Variants in DOCK1 observed in about 807,000 individuals in gnomAD.
DOCK1 encodes dedicator of cytokinesis 1, also known as dedicator of cytokinesis protein 1.
A neutral mutation model predicts 262.7 loss-of-function variants in DOCK1; 138 were observed. That is an observed-to-expected ratio of 0.53 (90% CI 0.46 to 0.61). The LOEUF is 0.61. Among genes scored for constraint, DOCK1 ranks in the 20% least tolerant of loss-of-function variants. DOCK1 has a pLI of 0.00. For missense variants in DOCK1, 1,908 were observed against 2,370.7 expected, an observed-to-expected ratio of 0.80 and a Z score of 4.05; for synonymous variants, 866 against 867.4, an observed-to-expected ratio of 1.00 and a Z score of 0.03.
chr10:126,960,621 G>T (rs2037118629), intron 1 of DOCK1, among the ~76,000 whole-genome samples: 1 of 151,132 alleles, frequency 6.6e-6, no homozygotes, highest in East Asian at 2.0e-4. Flanking sequence ...GTTTGGTTTG[G>T]CAAGAACTCA....
intron 27 of DOCK1, among the ~76,000 whole-genome samples, chr10:127,229,328 CTT>C (rs2058754504): frequency 6.6e-6 from 1 of 152,166 alleles, no homozygotes. Flanking sequence ...GTGATGTAGA[CTT>C]CTTGAACTTA....
intron 29 of DOCK1, among the ~76,000 whole-genome samples, chr10:127,282,112 G>A (rs1476979790): frequency 2.6e-5 from 4 of 152,222 alleles, no homozygotes; most frequent in African/African-American, 9.6e-5. Flanking sequence ...CATGTGACCT[G>A]TGGGTTGCGG....
At chr10:127,200,507 C>G (rs935259455) in intron 27 of DOCK1, among the ~76,000 whole-genome samples, 1 of 152,152 alleles carries the variant, frequency 6.6e-6, no homozygotes, top group African/African-American at 2.4e-5. Context: ...CAACCTCCAT[C>G]TCCCATGTTC....
intron 35 of DOCK1, among the ~76,000 whole-genome samples, chr10:127,376,113 G>T (rs2065472970): frequency 6.6e-6 from 1 of 151,738 alleles, no homozygotes; most frequent in African/African-American, 2.4e-5. Flanking sequence ...TGATACGGCA[G>T]AGGTTTTGAA....
intron 27 of DOCK1, among the ~76,000 whole-genome samples, chr10:127,151,463 C>T (rs1473270613): frequency 1.3e-5 from 2 of 152,078 alleles, no homozygotes; most frequent in East Asian, 3.9e-4. Flanking sequence ...GTGACCACTC[C>T]AAAGGGAGTG....
chr10:126,957,657 C>T (rs995483796), intron 1 of DOCK1, among the ~76,000 whole-genome samples: 2,066 of 152,044 alleles, frequency 0.014, 25 homozygotes, highest in Middle Eastern at 0.044. Flanking sequence ...TAATATATTT[C>T]GTTGTAGATA....
intron 9 of DOCK1, 134 bp from the exon 10 acceptor site, chr10:127,000,038 C>A: frequency 1.0e-6 from 1 of 1,000,722 alleles, no homozygotes; most frequent in Non-Finnish European, 1.4e-6. Flanking sequence ...TCCTTTTTGT[C>A]ATATGAATAA....
At chr10:127,369,689 G>A (rs2065106097) in intron 33 of DOCK1, among the ~76,000 whole-genome samples, 2 of 151,664 alleles carry the variant, frequency 1.3e-5, no homozygotes, top group South Asian at 4.1e-4. Context: ...GAGTGGCTCT[G>A]GGTCCTCCAG....
intron 23 of DOCK1, among the ~76,000 whole-genome samples, chr10:127,066,012 T>C (rs1025675809): frequency 6.6e-6 from 1 of 152,046 alleles, no homozygotes; most frequent in Non-Finnish European, 1.5e-5. Context: ...CCATCTCAGA[T>C]CTTCTGTCTT....
intron 27 of DOCK1, among the ~76,000 whole-genome samples, chr10:127,147,306 C>G (rs531898384): frequency 6.6e-6 from 1 of 152,248 alleles, no homozygotes; most frequent in South Asian, 2.1e-4. Context: ...GCTGTTTGTC[C>G]TCCTAGTTCC....
At chr10:127,348,279 C>T (rs1224893669) in intron 31 of DOCK1, among the ~76,000 whole-genome samples, 4 of 152,086 alleles carry the variant, frequency 2.6e-5, no homozygotes, top group Non-Finnish European at 5.9e-5. Flanking sequence ...GCCTGACCAG[C>T]AGCTCTTCCT....
At chr10:127,024,436 G>A (rs939961676) in intron 14 of DOCK1, among the ~76,000 whole-genome samples, 1 of 152,150 alleles carries the variant, frequency 6.6e-6, no homozygotes, top group African/African-American at 2.4e-5. Flanking sequence ...GAGGGTCTGG[G>A]GAACTGGAGG....
chr10:127,199,959 C>G (rs749120320), intron 27 of DOCK1, among the ~76,000 whole-genome samples: 70 of 152,316 alleles, frequency 4.6e-4, no homozygotes, highest in Non-Finnish European at 8.8e-4. Context: ...AGAAAAGTGT[C>G]TCCAAACTAG....
intron 1 of DOCK1, among the ~76,000 whole-genome samples, chr10:126,948,671 C>G (rs1354977291): frequency 2.6e-5 from 4 of 151,956 alleles, no homozygotes; most frequent in African/African-American, 9.7e-5. Flanking sequence ...GCCAGAGGCA[C>G]TGCTTCCCAG....
chr10:127,285,746 G>A (rs2061127049), intron 29 of DOCK1, among the ~76,000 whole-genome samples: 1 of 152,238 alleles, frequency 6.6e-6, no homozygotes, highest in Non-Finnish European at 1.5e-5. Context: ...CCAGTGGGAA[G>A]ATTTGGAGGA....
chr10:127,355,539 T>A lies in DOCK1; in HGVS notation c.3283+812T>A, dbSNP rs2064104059. ...GTCCTGAGCAAAGCATCAGTTGCTT[T>A]TCTGCCCCAGGATCTCCAGGCCTCT... is the stretch of plus-strand genomic sequence containing the variant. On this transcript the variant is annotated intron_variant, in intron 32 of 51. Coordinates refer to ENST00000623213, the MANE Select transcript of DOCK1 (RefSeq NM_001290223.2). Among the ~76,000 whole-genome samples, 3 of 152,340 alleles carry A rather than the reference T, an allele frequency of 2.0e-5. No homozygotes were observed. The South Asian group carries it at 6.2e-4, about 32-fold the overall frequency.
At chr10:126,942,103 C>A (rs1254255741) in intron 1 of DOCK1, among the ~76,000 whole-genome samples, 1 of 152,048 alleles carries the variant, frequency 6.6e-6, no homozygotes, top group Non-Finnish European at 1.5e-5. Context: ...CGGCTCACTG[C>A]AAGCTCTGCC....
At chr10:127,317,659 C>T (rs552472677) in intron 29 of DOCK1, among the ~76,000 whole-genome samples, 1 of 152,328 alleles carries the variant, frequency 6.6e-6, no homozygotes, top group African/African-American at 2.4e-5. Flanking sequence ...TCTTGAATAG[C>T]AACTTAATAC....
At chr10:127,121,888 G>A (rs572871998) in intron 25 of DOCK1, among the ~76,000 whole-genome samples, 7 of 152,260 alleles carry the variant, frequency 4.6e-5, no homozygotes, top group South Asian at 4.1e-4. Context: ...CCACATGTGC[G>A]TAATTGCAAG....
Sources: allele counts gnomAD v4.1 joint callset (sites outside exome capture counted in the v4.1 genomes callset), GRCh38; gene constraint gnomAD v4.1.1; transcripts MANE v1.5; gene names NCBI Gene and HGNC (gene_info 2026-07-23, HGNC 2026-07-21).